The following PCDH11X variants were observed in gnomAD, a reference collection of about 807,000 sequenced individuals.
PCDH11X encodes the protein protocadherin-11 X-linked.
PCDH11X carries 18 observed loss-of-function variants against 53.3 expected under a neutral mutation model. That is an observed-to-expected ratio of 0.34 (90% CI 0.23 to 0.50). The LOEUF (loss-of-function observed/expected upper bound fraction) is 0.50, where lower values mean the gene tolerates loss of function less well. Among genes scored for constraint, PCDH11X ranks in the 20% least tolerant of loss-of-function variants. PCDH11X has a pLI of 0.98. For synonymous variants in PCDH11X, 279 were observed against 393.3 expected (o/e 0.71, Z 3.44); for missense variants, 570 against 1,032.4 (o/e 0.55, Z 6.14).
In PCDH11X at chrX:92,621,527, T is replaced by C. The variant is rs1404248875; in HGVS notation, c.*2587T>C. On this transcript the variant is annotated 3_prime_UTR_variant, in exon 11 of 11. Transcript: ENST00000682573. ...GCTTTGAATGGAAGCAGGCTGAGAGTAGCCAAAGAGGCAAGGGGTATTAGC... is the reference window on the plus strand; with the variant it reads ...GCTTTGAATGGAAGCAGGCTGAGAGCAGCCAAAGAGGCAAGGGGTATTAGC... The C allele has an allele frequency of 9.1e-5, 10 of 110,193 alleles. No homozygotes were observed. The highest frequency in any genetic ancestry group is 1.3e-4 in the African/African-American group (4 of 30,187). The allele number at this position is 110,193 out of a possible 1,213,427, so 9.1% of individuals were successfully genotyped here.
intron 6 of PCDH11X, among the ~76,000 whole-genome samples, chrX:92,023,604 C>G (rs2062924796): frequency 9.3e-6 from 1 of 107,569 alleles, no homozygotes; most frequent in Admixed American, 1.0e-4. Context: ...GAGCTGGTAC[C>G]ATTCCTTCTG....
intron 6 of PCDH11X, among the ~76,000 whole-genome samples, chrX:92,014,540 T>C (rs2062754971): frequency 9.1e-6 from 1 of 109,414 alleles, no homozygotes; most frequent in East Asian, 2.9e-4. Flanking sequence ...ACTGGGTATA[T>C]ACCCAAAGGG....
intron 5 of PCDH11X, among the ~76,000 whole-genome samples, chrX:91,839,856 C>G (rs1937456486): frequency 9.0e-6 from 1 of 111,129 alleles, no homozygotes; most frequent in African/African-American, 3.3e-5. Flanking sequence ...CTTCTCTTTT[C>G]TCTCTTTCAA....
At chrX:92,592,337 A>G (rs1307831728) in intron 10 of PCDH11X, among the ~76,000 whole-genome samples, 2 of 103,993 alleles carry the variant, frequency 1.9e-5, no homozygotes, top group African/African-American at 3.5e-5. Context: ...AGATCTTGTA[A>G]AAATCACTTA....
chrX:92,134,384 A>G (rs1248625358), intron 6 of PCDH11X, among the ~76,000 whole-genome samples: 1 of 111,289 alleles, frequency 9.0e-6, no homozygotes, highest in Admixed American at 9.7e-5. Context: ...TTTTTACCTT[A>G]GGGATTTTGG....
At chrX:92,176,119 G>A (rs1259872257) in intron 6 of PCDH11X, among the ~76,000 whole-genome samples, 2 of 111,070 alleles carry the variant, frequency 1.8e-5, no homozygotes, top group African/African-American at 6.5e-5. Context: ...GTGAACGAGA[G>A]CAACTGACAT....
intron 8 of PCDH11X, among the ~76,000 whole-genome samples, chrX:92,264,430 C>G (rs181726976): frequency 4.7e-4 from 52 of 111,133 alleles, no homozygotes; most frequent in African/African-American, 1.7e-3. Context: ...AGGAAGGAAG[C>G]AAGGGTAGTA....
chrX:91,987,884 A>G (rs71218204), intron 6 of PCDH11X, among the ~76,000 whole-genome samples: 1 of 111,213 alleles, frequency 9.0e-6, no homozygotes, highest in African/African-American at 3.3e-5. Context: ...TTTAAAAACT[A>G]TAAAAAACTC....
At chrX:92,346,271 T>C (rs1315657631) in intron 8 of PCDH11X, among the ~76,000 whole-genome samples, 1 of 111,489 alleles carries the variant, frequency 9.0e-6, no homozygotes, top group African/African-American at 3.2e-5. Flanking sequence ...TTATTGTCTT[T>C]TAAAATAGCA....
intron 9 of PCDH11X, among the ~76,000 whole-genome samples, chrX:92,423,764 T>C (rs140468854): frequency 0.035 from 3,425 of 97,248 alleles, 253 homozygotes; most frequent in East Asian, 0.1. Context: ...CGCCACTTTA[T>C]GTTTTTGTTT....
chrX:92,283,856 A>G (rs770867195), intron 8 of PCDH11X, among the ~76,000 whole-genome samples: 1 of 111,746 alleles, frequency 8.9e-6, no homozygotes, highest in East Asian at 2.8e-4. Flanking sequence ...GAATGAAGGT[A>G]GACATATTTC....
chrX:92,475,805 C>A (rs2073370530), intron 10 of PCDH11X, among the ~76,000 whole-genome samples: 1 of 111,640 alleles, frequency 9.0e-6, no homozygotes, highest in South Asian at 3.8e-4. Flanking sequence ...CTCTTTAAGG[C>A]CAGTTACTCT....
intron 8 of PCDH11X, among the ~76,000 whole-genome samples, chrX:92,332,279 G>C (rs1470980130): frequency 9.0e-6 from 1 of 111,705 alleles, no homozygotes; most frequent in African/African-American, 3.3e-5. Context: ...CATTACTTTT[G>C]ACAATAGCTT....
In PCDH11X at chrX:91,946,564, T is replaced by C. The variant is rs1213978207; in HGVS notation, c.3033+67291T>C. On this transcript the variant is annotated intron_variant, in intron 6 of 10. Transcript: ENST00000682573. ...GATTCAAACCTGTTTCCCTCATATATATATATATATATATATATATATATA... is the reference window on the plus strand; with the variant it reads ...GATTCAAACCTGTTTCCCTCATATACATATATATATATATATATATATATA... Among the ~76,000 whole-genome samples the C allele has an allele frequency of 1.2e-3, 87 of 73,445 alleles. 1 individual carries two copies. Among genetic ancestry groups the C allele is most frequent in the Non-Finnish European group, 1.9e-3 (73 of 38,989 alleles). The allele number at this position is 73,445 out of a possible 115,157, so 63.8% of individuals were successfully genotyped here.
At chrX:92,157,467 C>T (rs184466910) in intron 6 of PCDH11X, among the ~76,000 whole-genome samples, 7 of 111,461 alleles carry the variant, frequency 6.3e-5, no homozygotes, top group South Asian at 7.4e-4. Flanking sequence ...AAGGATAGAA[C>T]GATTAGTCAA....
intron 10 of PCDH11X, among the ~76,000 whole-genome samples, chrX:92,505,343 T>C (rs1186884189): frequency 9.2e-6 from 1 of 108,807 alleles, no homozygotes; most frequent in Non-Finnish European, 1.9e-5. Context: ...GTTTTACATT[T>C]AAGCATTTAA....
At chrX:92,355,196 G>A (rs1479961319) in intron 8 of PCDH11X, among the ~76,000 whole-genome samples, 2 of 97,260 alleles carry the variant, frequency 2.1e-5, no homozygotes, top group African/African-American at 7.8e-5. Flanking sequence ...GGGATGCCGA[G>A]GCGGGCGGAT....
chrX:92,046,217 C>G (rs763856216), intron 6 of PCDH11X, among the ~76,000 whole-genome samples: 29 of 111,436 alleles, frequency 2.6e-4, no homozygotes, highest in African/African-American at 9.5e-4. Flanking sequence ...TTTTTCACCT[C>G]TTTTGAGAAT....
chrX:91,829,291 G>A (rs983634170), intron 4 of PCDH11X, among the ~76,000 whole-genome samples: 2 of 108,763 alleles, frequency 1.8e-5, no homozygotes, highest in African/African-American at 6.9e-5. Context: ...ATATAATACT[G>A]TTTTGTGTAC....
Sources: gnomAD v4.1 joint callset for allele counts (sites outside exome capture counted in the v4.1 genomes callset) on GRCh38, gnomAD v4.1.1 for gene constraint, MANE v1.5 for transcripts, NCBI Gene and HGNC (gene_info 2026-07-23, HGNC 2026-07-21) for gene names.